PRRC2B: variants seen among roughly 807,000 people sequenced by gnomAD.
PRRC2B encodes proline rich coiled-coil 2B.
A neutral mutation model predicts 242.3 loss-of-function variants in PRRC2B; 68 were observed. The observed-to-expected ratio is 0.28, with a 90% CI of 0.23 to 0.34. The LOEUF is 0.34. Ranked by LOEUF, PRRC2B falls within the 10% of genes least tolerant of loss-of-function variation. The pLI is 1.00. For missense variants in PRRC2B, 2,835 were observed against 2,954.8 expected (o/e 0.96, Z 0.94); for synonymous variants, 1,228 against 1,173.6 (o/e 1.05, Z -0.95).
In PRRC2B at chr9:131,482,320, G is replaced by T; in HGVS notation, c.4984-51G>T. The T allele has an allele frequency of 6.6e-7, 1 of 1,511,656 alleles. No individual in the cohort carries two copies. The highest frequency in any genetic ancestry group is 8.9e-7 in the Non-Finnish European group (1 of 1,123,780). The allele number at this position is 1,511,656 out of a possible 1,614,324, so 93.6% of individuals were successfully genotyped here. A position where few individuals can be genotyped will look rare whatever the true frequency, so the allele number is the denominator to read the frequency against. ...GTGCCACATGCAGTTTTACTCTCTG[G>T]ATAATCGAGTTGGGAGTTTGAGGCT... On this transcript the variant is annotated intron_variant, in intron 20 of 31. Transcript: ENST00000683519. The surrounding 1 kb of genome is among the most constrained non-coding windows in gnomAD (Gnocchi z 5.2).
At chr9:131,478,050 C>T (rs948702755) in intron 17 of PRRC2B, 101 bp downstream of exon 17, 1 of 1,045,780 alleles carries the variant, frequency 9.6e-7, no homozygotes, top group Non-Finnish European at 1.4e-6. Flanking sequence ...AGTACCTTAG[C>T]TTTCGGAACA....
intron 1 of PRRC2B, among the ~76,000 whole-genome samples, chr9:131,425,027 C>T (rs371637579): frequency 7.7e-4 from 117 of 152,222 alleles, no homozygotes; most frequent in African/African-American, 2.6e-3. Flanking sequence ...AGTGCAATGG[C>T]GCAATCTTGG....
chr9:131,462,702 G>A (rs998680041), intron 11 of PRRC2B, among the ~76,000 whole-genome samples: 2 of 151,566 alleles, frequency 1.3e-5, no homozygotes, highest in Admixed American at 6.6e-5. Flanking sequence ...GCCAGGCGTG[G>A]TGCCGCACGC....
intron 13 of PRRC2B, 131 bp downstream of exon 13, chr9:131,467,884 C>G: frequency 1.2e-6 from 1 of 862,620 alleles, no homozygotes; most frequent in South Asian, 1.8e-5. Flanking sequence ...GCCCCCAAGA[C>G]CAGTGGGGAC....
At chr9:131,495,679 A>G (rs1944314125) in intron 31 of PRRC2B, 61 bp from the exon 32 acceptor site, 30 of 1,564,812 alleles carry the variant, frequency 1.9e-5, no homozygotes, top group Non-Finnish European at 2.4e-5. Flanking sequence ...GGTGGGAACT[A>G]TGTATCCAAA....
chr9:131,413,862 G>C (rs1043582691), intron 1 of PRRC2B, among the ~76,000 whole-genome samples: 2 of 150,894 alleles, frequency 1.3e-5, no homozygotes, highest in African/African-American at 2.4e-5. Context: ...AGTAGAGATG[G>C]GGTTTCACCA....
rs2131412373 is a variant in PRRC2B, at chr9:131,459,315, C to T, written c.1363C>T (p.Pro455Ser). ...VRKAPDPQPP[P>S]RKLHGWAPGP... ...AAAGGCGCCAGACCCTCAGCCACCG[C>T]CCAGGAAGCTTCATGGCTGGGCACC... Residue 455 changes from proline to serine, a missense_variant, in exon 11 of 32, where the codon CCC (proline) becomes TCC (serine). Transcript: ENST00000683519. 2 of 1,613,800 alleles carry T rather than the reference C, an allele frequency of 1.2e-6. No homozygotes were observed. Among genetic ancestry groups the T allele is most frequent in the South Asian group, 2.2e-5 (2 of 91,066 alleles).
At position 131,474,846 on chromosome 9, in the gene PRRC2B, G is replaced by A. The variant is rs1943642314; in HGVS notation, c.2717G>A (p.Gly906Glu). The A allele has an allele frequency of 6.2e-7, 1 of 1,610,022 alleles. No individual in the cohort carries two copies. The highest frequency in any genetic ancestry group is 1.3e-5 in the African/African-American group (1 of 74,872). Residue 906 changes from glycine to glutamate, a missense_variant, in exon 16 of 32, where the codon GGG (glycine) becomes GAG (glutamate). By Grantham distance (98) the Gly-to-Glu change is moderately conservative. Around this residue, in one of 7 missense-constraint regions of PRRC2B, gnomAD observed 1,536 missense variants for 1,483.1 expected, o/e 1.04. Coordinates refer to ENST00000683519, the MANE Select transcript of PRRC2B (RefSeq NM_013318.4). ...AACATCTCCTCCTGGGACAAGAACG[G>A]GAGCCCCAACAAACAGCCATCCTCG... Reference protein sequence around the residue: ...AFNISSWDKNGSPNKQPSSEP... With the variant: ...AFNISSWDKNESPNKQPSSEP...
intron 1 of PRRC2B, among the ~76,000 whole-genome samples, chr9:131,388,274 C>T (rs997397241): frequency 7.8e-6 from 1 of 128,448 alleles, no homozygotes; most frequent in Non-Finnish European, 1.6e-5. Flanking sequence ...GAGATTCCCT[C>T]TTGTTGCCCA....
rs144613968 is a variant in PRRC2B, at chr9:131,446,661, CT to C, written c.855+26del. On this transcript the variant is annotated intron_variant, in intron 7 of 31. Transcript: ENST00000683519. This position sits in a 1 kb window ranked among gnomAD's most constrained non-coding sequence, Gnocchi z 4.1. The stretch of plus-strand genomic sequence containing the variant: ...TGCTTTTGTAAGTCTTCAGAGTGTA[CT>C]TTTTTTCCCCCCATGAAGTTGGATT... The C allele has an allele frequency of 1.2e-3, 1,971 of 1,612,084 alleles. 17 individuals are homozygous for C. The African/African-American group carries it at 0.019, about 16-fold the overall frequency.
chr9:131,430,591 GTGTGTATA>G lies in PRRC2B; in HGVS notation c.115+334_115+341del, dbSNP rs1180207295. Among the ~76,000 whole-genome samples, 965 of 137,498 alleles carry G rather than the reference GTGTGTATA, an allele frequency of 7.0e-3. 11 individuals carry two copies. The highest frequency in any genetic ancestry group is 0.023 in the African/African-American group (825 of 36,032). 90.2% of individuals were successfully genotyped at this position (137,498 alleles called of 152,430 possible). On this transcript the variant is annotated intron_variant, in intron 2 of 31. Coordinates refer to ENST00000683519, the MANE Select transcript of PRRC2B (RefSeq NM_013318.4). ...TGTGTGTGTGTGTGTGTGTGTGTGT[GTGTGTATA>G]TATATGTTTTGGAGACAGAGTCTCA...
At chr9:131,417,454 C>T (rs1420265331) in intron 1 of PRRC2B, among the ~76,000 whole-genome samples, 1 of 152,080 alleles carries the variant, frequency 6.6e-6, no homozygotes, top group Non-Finnish European at 1.5e-5. Flanking sequence ...AGCCAGTCCC[C>T]CCACATCTGA....
chr9:131,487,248 C>T lies in PRRC2B; in HGVS notation c.5938C>T (p.Pro1980Ser). ...QAQLGLRGGL[P>S]VSQSQEIFSS... ...TCAGCTTGGACTGAGGGGTGGGCTT[C>T]CTGTGTCCCAGTCCCAGGAGATCTT... The change falls in exon 27 of 32, where the codon CCT (proline) becomes TCT (serine). Residue 1980 changes from proline (P) to serine (S), a missense_variant. By Grantham distance (74) the Pro-to-Ser change is moderately conservative. Around this residue, in one of 7 missense-constraint regions of PRRC2B, gnomAD observed 574 missense variants for 626.0 expected, o/e 0.92. Transcript: ENST00000683519. This position sits in a 1 kb window ranked among gnomAD's most constrained non-coding sequence, Gnocchi z 5.3. The T allele has an allele frequency of 6.2e-7, 1 of 1,613,288 alleles. No individual in the cohort carries two copies. Among genetic ancestry groups the T allele is most frequent in the Non-Finnish European group, 8.5e-7 (1 of 1,179,580 alleles).
chr9:131,500,150 T>C lies in PRRC2B; in HGVS notation c.*4276T>C, dbSNP rs1018481148. ...TATGTGATTGTACTAGCTCTTTCCA[T>C]ATGAAAGAATTCTCCTTATTTAAAT... On this transcript the variant is annotated 3_prime_UTR_variant, in exon 32 of 32. Transcript: ENST00000683519. The C allele has an allele frequency of 1.3e-5, 2 of 152,210 alleles. No homozygotes were observed. The highest frequency in any genetic ancestry group is 4.8e-5 in the African/African-American group (2 of 41,442). The allele number at this position is 152,210 out of a possible 1,614,324, so 9.4% of individuals were successfully genotyped here. A position where few individuals can be genotyped will look rare whatever the true frequency, so the allele number is the denominator to read the frequency against.
rs900437528 is a variant in PRRC2B at position 131,394,119 on chromosome 9, G to T, written c.-196G>T. 6 of 149,346 alleles carry T rather than the reference G, an allele frequency of 4.0e-5. No homozygotes were observed. The highest frequency in any genetic ancestry group is 3.6e-4 in the South Asian group (2 of 5,626). The allele number at this position is 149,346 out of a possible 1,614,324, so 9.3% of individuals were successfully genotyped here. ...CGCCGAGGCTCCACCGCGCAGCGAC[G>T]AGCGAGCCCGGGAGGAGGGAGGGAG... On this transcript the variant is annotated 5_prime_UTR_variant, in exon 1 of 32. Transcript: ENST00000683519.
intron 1 of PRRC2B, among the ~76,000 whole-genome samples, chr9:131,418,225 C>G (rs1350124264): frequency 6.6e-6 from 1 of 152,236 alleles, no homozygotes; most frequent in East Asian, 1.9e-4. Context: ...CTGTCTGTCT[C>G]CACTTTGTCA....
At chr9:131,427,124 A>T (rs1837997500) in intron 1 of PRRC2B, among the ~76,000 whole-genome samples, 1 of 152,180 alleles carries the variant, frequency 6.6e-6, no homozygotes, top group South Asian at 2.1e-4. Flanking sequence ...GCATTTCTTG[A>T]TACGAATTGC....
intron 1 of PRRC2B, among the ~76,000 whole-genome samples, chr9:131,423,748 G>T (rs1226727099): frequency 6.6e-6 from 1 of 152,180 alleles, no homozygotes; most frequent in Non-Finnish European, 1.5e-5. Flanking sequence ...GAACGTTGAG[G>T]CTGGAAGATT....
At position 131,496,205 on chromosome 9, in the gene PRRC2B, C is replaced by T. The variant is rs761923295; in HGVS notation, c.*331C>T. 3.8e-5 allele frequency: 9 copies of T among 235,732 alleles called. No individual in the cohort carries two copies. Among genetic ancestry groups the T allele is most frequent in the African/African-American group, 1.6e-4 (7 of 44,786 alleles). The allele number at this position is 235,732 out of a possible 1,614,324, so 14.6% of individuals were successfully genotyped here. On this transcript the variant is annotated 3_prime_UTR_variant, in exon 32 of 32. Coordinates refer to ENST00000683519, the MANE Select transcript of PRRC2B (RefSeq NM_013318.4). ...TCCCTGTCCTGCCGCGCAGCCAGGG[C>T]GCCTTCTCAGCAGTGCTTCCGGCCC...
Sources: allele counts gnomAD v4.1 joint callset (sites outside exome capture counted in the v4.1 genomes callset), GRCh38; gene constraint gnomAD v4.1.1; regional missense constraint gnomAD v4.1.1; non-coding constraint Gnocchi (gnomAD v3.1); transcripts MANE v1.5; gene names NCBI Gene and HGNC (gene_info 2026-07-23, HGNC 2026-07-21).